ABCB5: variants seen among roughly 807,000 people sequenced by gnomAD.
The protein encoded by ABCB5 is ATP binding cassette subfamily B member 5.
In ABCB5, 155 loss-of-function variants were observed where a neutral mutation model predicts 144.2. That is an observed-to-expected ratio of 1.08 (90% CI 0.94 to 1.23). ABCB5 has a LOEUF of 1.23. ABCB5 is among the 50% of genes most tolerant of loss of function. ABCB5 has a pLI of 0.00. For missense variants in ABCB5, 1,830 were observed against 1,520.8 expected (o/e 1.20, Z -3.38); for synonymous variants, 610 against 528.6 (o/e 1.15, Z -2.11).
At chr7:20,741,090 G>A (rs377706522) in intron 24 of ABCB5, among the ~76,000 whole-genome samples, 8 of 145,010 alleles carry the variant, frequency 5.5e-5, no homozygotes, top group African/African-American at 2.0e-4. Context: ...GTGACAGAGC[G>A]AGACTCCTTC....
intron 26 of ABCB5, among the ~76,000 whole-genome samples, chr7:20,749,647 A>G (rs1051524335): frequency 1.3e-5 from 2 of 152,130 alleles, no homozygotes; most frequent in African/African-American, 4.8e-5. Context: ...ACTTTTAGGA[A>G]TATGAAGCCC....
intron 12 of ABCB5, among the ~76,000 whole-genome samples, chr7:20,651,157 C>G (rs1366451135): frequency 6.6e-6 from 1 of 152,136 alleles, no homozygotes; most frequent in African/African-American, 2.4e-5. Flanking sequence ...TTTATAATAT[C>G]TAACTTGTGG....
intron 16 of ABCB5, among the ~76,000 whole-genome samples, chr7:20,692,621 T>C (rs149424101): frequency 6.1e-4 from 93 of 151,990 alleles, no homozygotes; most frequent in African/African-American, 2.0e-3. Flanking sequence ...ATTTTTGATA[T>C]GTTTAAAAGC....
chr7:20,692,019 A>G (rs923069133), intron 16 of ABCB5, among the ~76,000 whole-genome samples: 1 of 152,178 alleles, frequency 6.6e-6, no homozygotes, highest in Non-Finnish European at 1.5e-5. Flanking sequence ...TTAAGCATTT[A>G]TTATATCTAT....
In ABCB5 at chr7:20,723,025, T is replaced by G. The variant is rs146277080; in HGVS notation, c.2431T>G (p.Ser811Ala). The G allele has an allele frequency of 7.4e-5, 119 of 1,613,962 alleles. No individual in the cohort carries two copies. Among genetic ancestry groups the G allele is most frequent in the Middle Eastern group, 1.6e-4 (1 of 6,080 alleles). The part of the protein sequence containing the change: ...DIAQIQGATG[S>A]RIGVLTQNAT... ...ATATGTCTGATTATAGGCAACAGGTTCCAGGATTGGCGTCTTAACACAAAA... is the reference window on the plus strand; with the variant it reads ...ATATGTCTGATTATAGGCAACAGGTGCCAGGATTGGCGTCTTAACACAAAA... The change falls in exon 21 of 28, where the codon TCC (serine) becomes GCC (alanine). Residue 811 changes from serine to alanine, a missense_variant. By Grantham distance (99) the Ser-to-Ala change is moderately conservative. Transcript: ENST00000404938.
chr7:20,627,514 C>T (rs972979780), intron 3 of ABCB5, among the ~76,000 whole-genome samples: 3 of 151,700 alleles, frequency 2.0e-5, no homozygotes, highest in South Asian at 2.1e-4. Context: ...TTATTTTGGC[C>T]TCTCTCGGTA....
chr7:20,658,895 G>C (rs929467631), intron 14 of ABCB5, among the ~76,000 whole-genome samples: 1 of 152,116 alleles, frequency 6.6e-6, no homozygotes, highest in Non-Finnish European at 1.5e-5. Flanking sequence ...ATATATACAT[G>C]AGGCTGATAC....
At position 20,651,505 on chromosome 7, in the gene ABCB5, T is replaced by C. The variant is rs949174961; in HGVS notation, c.1418T>C (p.Leu473Ser). 2 of 1,614,026 alleles carry C rather than the reference T, an allele frequency of 1.2e-6. No individual in the cohort carries two copies. Among genetic ancestry groups the C allele is most frequent in the Middle Eastern group, 1.6e-4 (1 of 6,082 alleles). Reference sequence around the variant, plus strand: ...GGAGTGGTTAGTCAAGAGCCTGTTTTGTTCGGGACCACCATCAGTAACAAT... The same window carrying C: ...GGAGTGGTTAGTCAAGAGCCTGTTTCGTTCGGGACCACCATCAGTAACAAT... ...HIGVVSQEPV[L>S]FGTTISNNIK... Residue 473 changes from leucine to serine, a missense_variant, in exon 13 of 28, where the codon TTG becomes TCG. Transcript: ENST00000404938.
intron 11 of ABCB5, 31 bp downstream of exon 11, chr7:20,648,109 G>C (rs914576731): frequency 7.7e-7 from 1 of 1,298,596 alleles, no homozygotes; most frequent in African/African-American, 1.5e-5. Flanking sequence ...CAATTGTGCA[G>C]TTTTCTGATA....
chr7:20,654,420 T>A lies in ABCB5; in HGVS notation c.1536+2797T>A, dbSNP rs561706958. On this transcript the variant is annotated intron_variant, in intron 13 of 27. Coordinates refer to ENST00000404938, the MANE Select transcript of ABCB5 (RefSeq NM_001163941.2). ...AGAAAGACAAATCCACAACTTTAGTTGAGGCCTTCAGTGCTTGATAGAACA... is the reference window on the plus strand; with the variant it reads ...AGAAAGACAAATCCACAACTTTAGTAGAGGCCTTCAGTGCTTGATAGAACA... Among the ~76,000 whole-genome samples, 6 of 151,912 alleles carry A rather than the reference T, an allele frequency of 3.9e-5. No individual in the cohort carries two copies. The South Asian group carries it at 1.2e-3, about 32-fold the overall frequency.
intron 14 of ABCB5, chr7:20,658,960 CCCTAGAGTGG>C: frequency 7.7e-7 from 1 of 1,301,572 alleles, no homozygotes; most frequent in Middle Eastern, 1.8e-4. Flanking sequence ...CTTTCCACCT[CCCTAGAGTGG>C]CCCACCACTA....
intron 14 of ABCB5, among the ~76,000 whole-genome samples, chr7:20,677,659 G>A (rs1052790137): frequency 1.3e-5 from 2 of 152,166 alleles, no homozygotes; most frequent in African/African-American, 4.8e-5. Context: ...AACCCGGGAG[G>A]TGGAGGTTGC....
At chr7:20,670,793 C>G (rs1785441517) in intron 14 of ABCB5, among the ~76,000 whole-genome samples, 1 of 152,190 alleles carries the variant, frequency 6.6e-6, no homozygotes, top group South Asian at 2.1e-4. Flanking sequence ...CCTGTAATCC[C>G]AGCTACTTGG....
At chr7:20,653,349 T>C (rs1156847679) in intron 13 of ABCB5, among the ~76,000 whole-genome samples, 1 of 152,088 alleles carries the variant, frequency 6.6e-6, no homozygotes, top group Non-Finnish European at 1.5e-5. Flanking sequence ...GGAAACACAA[T>C]AATGAATGAA....
In ABCB5 at chr7:20,725,582, A is replaced by G. The variant is rs139813226; in HGVS notation, c.2626-1458A>G. ...CAACAGAGCAAGACTCCATCTCAAA[A>G]GAAAACAAAAAAAGACTTTGAATAG... On this transcript the variant is annotated intron_variant, in intron 21 of 27. Transcript: ENST00000404938. 5.8e-4 allele frequency among the ~76,000 whole-genome samples: 89 copies of G among 152,364 alleles called. 1 individual carries two copies. In the East Asian group the frequency reaches 0.016, roughly 27 times the overall value.
rs1562573624 is a variant in ABCB5 at position 20,711,794 on chromosome 7, T to TCTCTCTCTC, written c.2421+6987_2421+6988insCTCTCTCTC. ...TCCTTCTTTCTCTTTCTTTCTTTCTTTCTTTCTTTCTTTCTTTCTTTCTTT... is the reference window on the plus strand; with the variant it reads ...TCCTTCTTTCTCTTTCTTTCTTTCTTCTCTCTCTCTCTTTCTTTCTTTCTTTCTTTCTTT... On this transcript the variant is annotated intron_variant, in intron 20 of 27. Transcript: ENST00000404938. Among the ~76,000 whole-genome samples the TCTCTCTCTC allele has an allele frequency of 1.8e-3, 153 of 85,660 alleles. 17 individuals carry two copies. Among genetic ancestry groups the TCTCTCTCTC allele is most frequent in the East Asian group, 0.014 (31 of 2,254 alleles). The allele number at this position is 85,660 out of a possible 152,430, so 56.2% of individuals were successfully genotyped here.
At chr7:20,725,377 G>C (rs1187797633) in intron 21 of ABCB5, among the ~76,000 whole-genome samples, 2 of 152,178 alleles carry the variant, frequency 1.3e-5, no homozygotes, top group Admixed American at 6.5e-5. Flanking sequence ...TCAGGAGTTC[G>C]AGACCAGCCT....
At chr7:20,662,243 AC>A (rs1785025981) in intron 14 of ABCB5, among the ~76,000 whole-genome samples, 1 of 152,254 alleles carries the variant, frequency 6.6e-6, no homozygotes, top group Non-Finnish European at 1.5e-5. Flanking sequence ...CTTTGAAAAC[AC>A]AGGGTTGCTT....
intron 14 of ABCB5, chr7:20,666,745 A>T (rs1385789006): frequency 6.3e-7 from 1 of 1,598,474 alleles, no homozygotes. Flanking sequence ...TTCTTTCAAT[A>T]TTGTATTTTC....
Sources: gnomAD v4.1 joint callset for allele counts (sites outside exome capture counted in the v4.1 genomes callset) on GRCh38, gnomAD v4.1.1 for gene constraint, MANE v1.5 for transcripts, NCBI Gene and HGNC (gene_info 2026-07-23, HGNC 2026-07-21) for gene names.